The following RALGAPA1 variants were observed in gnomAD, a reference collection of about 807,000 sequenced individuals.
RALGAPA1 encodes the protein ral GTPase-activating protein subunit alpha-1.
A neutral mutation model predicts 269.6 loss-of-function variants in RALGAPA1; 52 were observed. That is an observed-to-expected ratio of 0.19 (90% CI 0.15 to 0.24). The LOEUF is 0.24. RALGAPA1 is among the 10% of genes least tolerant of loss of function. The pLI, the probability that RALGAPA1 is intolerant of heterozygous loss-of-function variation, is 1.00. For missense variants in RALGAPA1, 1,917 were observed against 3,013.9 expected, an observed-to-expected ratio of 0.64 and a Z score of 8.52; for synonymous variants, 817 against 1,008.3, an observed-to-expected ratio of 0.81 and a Z score of 3.60.
chr14:35,709,956 G>A (rs2068154745), intron 16 of RALGAPA1, among the ~76,000 whole-genome samples: 1 of 152,108 alleles, frequency 6.6e-6, no homozygotes, highest in Non-Finnish European at 1.5e-5. Context: ...CCCAGAATGT[G>A]GTCTTGGTGA....
chr14:35,730,367 C>G (rs1355375819), intron 12 of RALGAPA1, among the ~76,000 whole-genome samples: 1 of 152,154 alleles, frequency 6.6e-6, no homozygotes, highest in Non-Finnish European at 1.5e-5. Flanking sequence ...AAATTTGAAC[C>G]AGGCAAGAAG....
chr14:35,649,506 C>T (rs2062670728), intron 31 of RALGAPA1, among the ~76,000 whole-genome samples: 1 of 152,124 alleles, frequency 6.6e-6, no homozygotes, highest in South Asian at 2.1e-4. Context: ...ATTTTCCCAA[C>T]TCTTAACTGT....
intron 37 of RALGAPA1, among the ~76,000 whole-genome samples, chr14:35,579,253 T>C (rs2057785869): frequency 6.6e-6 from 1 of 151,994 alleles, no homozygotes; most frequent in Admixed American, 6.6e-5. Flanking sequence ...TTATGGTAAA[T>C]GAAAAGGAAA....
At chr14:35,655,644 AAACAG>A (rs2063129142) in intron 29 of RALGAPA1, among the ~76,000 whole-genome samples, 158 bp downstream of exon 29, 1 of 152,098 alleles carries the variant, frequency 6.6e-6, no homozygotes, top group African/African-American at 2.4e-5. Flanking sequence ...TAAATTCAAG[AAACAG>A]AACAATTTTT....
chr14:35,753,672 C>T (rs1188599451), intron 7 of RALGAPA1, among the ~76,000 whole-genome samples: 2 of 151,938 alleles, frequency 1.3e-5, no homozygotes, highest in Non-Finnish European at 2.9e-5. Flanking sequence ...TTCATGTTTG[C>T]CATAGGGGTG....
At chr14:35,751,933 C>A (rs554399508) in intron 8 of RALGAPA1, 91 bp downstream of exon 8, 2 of 1,479,954 alleles carry the variant, frequency 1.4e-6, no homozygotes, top group Admixed American at 2.6e-5. Flanking sequence ...TAAATATGAT[C>A]AGTTTCCTGC....
At chr14:35,568,256 T>C (rs1046556215) in intron 39 of RALGAPA1, among the ~76,000 whole-genome samples, 1 of 152,070 alleles carries the variant, frequency 6.6e-6, no homozygotes, top group East Asian at 1.9e-4. Flanking sequence ...AAAGGAAACA[T>C]TCATTGAAGA....
intron 37 of RALGAPA1, among the ~76,000 whole-genome samples, chr14:35,577,455 AT>A (rs2057651543): frequency 3.3e-5 from 5 of 152,192 alleles, no homozygotes; most frequent in Admixed American, 3.3e-4. Context: ...CAATGAGAAG[AT>A]GGTCATCTGT....
intron 16 of RALGAPA1, among the ~76,000 whole-genome samples, chr14:35,718,150 T>C (rs2069015271): frequency 1.3e-5 from 2 of 152,202 alleles, no homozygotes; most frequent in African/African-American, 4.8e-5. Flanking sequence ...TCTTCATACC[T>C]TTACTAACTC....
chr14:35,710,056 GT>G (rs1235358781), intron 16 of RALGAPA1, among the ~76,000 whole-genome samples: 1 of 152,174 alleles, frequency 6.6e-6, no homozygotes, highest in Non-Finnish European at 1.5e-5. Flanking sequence ...TTGACTGACA[GT>G]GCTATTCACT....
chr14:35,689,146 T>C lies in RALGAPA1; in HGVS notation c.3265A>G (p.Asn1089Asp). 1 of 1,234,888 alleles carries C rather than the reference T, an allele frequency of 8.1e-7. No homozygotes were observed. The highest frequency in any genetic ancestry group is 1.0e-6 in the Non-Finnish European group (1 of 989,700). 76.5% of individuals were successfully genotyped at this position (1,234,888 alleles called of 1,614,324 possible). ...LVEKLKSVQI[N>D]EKITVPHVMR... ...ACATGTGGGACAGTGATTTTTTCATTAATTTGCACACTCTTAAGCTTTTCA... is the reference window on the plus strand; with the variant it reads ...ACATGTGGGACAGTGATTTTTTCATCAATTTGCACACTCTTAAGCTTTTCA... The change falls in exon 18 of 42, where the codon AAT (asparagine) becomes GAT (aspartate). Residue 1089 changes from asparagine to aspartate, a missense_variant. By Grantham distance (23) the Asn-to-Asp change is conservative. Coordinates refer to ENST00000680220, the MANE Select transcript of RALGAPA1 (RefSeq NM_001346249.2).
chr14:35,572,188 AAC>A (rs2057257743), intron 38 of RALGAPA1, among the ~76,000 whole-genome samples: 1 of 152,208 alleles, frequency 6.6e-6, no homozygotes, highest in Non-Finnish European at 1.5e-5. Context: ...AAGATATATC[AAC>A]TAAAAATATA....
At chr14:35,748,250 T>A (rs576003402) in intron 10 of RALGAPA1, 84 of 158,296 alleles carry the variant, frequency 5.3e-4, no homozygotes, top group Non-Finnish European at 9.9e-4. Flanking sequence ...ATAAACTTAG[T>A]TTAATAATTA....
intron 15 of RALGAPA1, among the ~76,000 whole-genome samples, 196 bp downstream of exon 15, chr14:35,722,831 A>G (rs527376976): frequency 6.6e-6 from 1 of 152,270 alleles, no homozygotes; most frequent in East Asian, 1.9e-4. Flanking sequence ...ACATTAAACC[A>G]CCTTCTCAGT....
intron 4 of RALGAPA1, chr14:35,766,457 G>A (rs1332717895): frequency 5.8e-6 from 9 of 1,559,988 alleles, no homozygotes; most frequent in Admixed American, 5.4e-5. Flanking sequence ...TTGAGTCTGA[G>A]GGGGCCAAAG....
At chr14:35,589,691 G>GTATT (rs879825033) in intron 37 of RALGAPA1, among the ~76,000 whole-genome samples, 794 of 151,636 alleles carry the variant, frequency 5.2e-3, no homozygotes, top group African/African-American at 0.017. Flanking sequence ...ATTTATGTAT[G>GTATT]TATTTATTTA....
Position 35,655,835 on chromosome 14 carries a change from G to A in RALGAPA1, c.5468C>T (p.Ala1823Val). The A allele has an allele frequency of 6.2e-7, 1 of 1,613,334 alleles. No individual in the cohort carries two copies. The highest frequency in any genetic ancestry group is 8.5e-7 in the Non-Finnish European group (1 of 1,179,610). Residue 1823 changes from alanine to valine, a missense_variant, in exon 29 of 42, where the codon GCT becomes GTT. Transcript: ENST00000680220. The stretch of plus-strand genomic sequence containing the variant: ...TAAGGAAACACAAATCACATTCAGA[G>A]CTTCCTTAATTTGAGGATGATGAGA... ...HESHHPQIKE[A>V]LNVICVSLKF... is the part of the protein sequence containing the mutation.
intron 1 of RALGAPA1, among the ~76,000 whole-genome samples, chr14:35,777,208 C>A (rs2075104104): frequency 6.6e-6 from 1 of 151,628 alleles, no homozygotes; most frequent in Non-Finnish European, 1.5e-5. Flanking sequence ...CCAATAAGAA[C>A]CTATTAACGA....
intron 41 of RALGAPA1, 42 bp from the exon 42 acceptor site, chr14:35,539,732 C>T (rs1355246876): frequency 1.2e-6 from 2 of 1,603,674 alleles, no homozygotes; most frequent in Admixed American, 1.7e-5. Flanking sequence ...TATCCAGCCT[C>T]TCATCCCCTG....
Sources: allele counts gnomAD v4.1 joint callset (sites outside exome capture counted in the v4.1 genomes callset), GRCh38; gene constraint gnomAD v4.1.1; transcripts MANE v1.5; gene names NCBI Gene and HGNC (gene_info 2026-07-23, HGNC 2026-07-21).